Variants in MGAT4C observed in about 807,000 individuals in gnomAD.
MGAT4C encodes the protein MGAT4 family member C.
Under a neutral mutation model 40.1 loss-of-function variants are expected in MGAT4C, and 19 were observed. That is an observed-to-expected ratio of 0.47 (90% CI 0.33 to 0.70). The LOEUF is 0.70. Ranked by LOEUF, MGAT4C falls within the 30% of genes least tolerant of loss-of-function variation. The pLI is 0.02. For missense variants in MGAT4C, 491 were observed against 563.2 expected, an observed-to-expected ratio of 0.87 and a Z score of 1.30; for synonymous variants, 181 against 187.1, an observed-to-expected ratio of 0.97 and a Z score of 0.27.
Position 85,968,535 on chromosome 12 carries a change from T to A in MGAT4C, c.*10754A>T, listed in dbSNP as rs533428513. 1 of 152,030 alleles carries A rather than the reference T, an allele frequency of 6.6e-6. No homozygotes were observed. Among genetic ancestry groups the A allele is most frequent in the African/African-American group, 2.4e-5 (1 of 41,524 alleles). The allele number at this position is 152,030 out of a possible 1,614,324, so 9.4% of individuals were successfully genotyped here. A position where few individuals can be genotyped will look rare whatever the true frequency, so the allele number is the denominator to read the frequency against. The stretch of plus-strand genomic sequence containing the variant: ...ATTTTTCAGTACAACAATAATAGTA[T>A]TGAAATACCTAAAAAGGGCAGGAAA... On this transcript the variant is annotated 3_prime_UTR_variant, in exon 5 of 5. Coordinates refer to ENST00000611864, the MANE Select transcript of MGAT4C (RefSeq NM_001351288.2).
chr12:86,707,454 C>G (rs1034430011), intron 2 of MGAT4C, among the ~76,000 whole-genome samples: 17 of 151,598 alleles, frequency 1.1e-4, no homozygotes, highest in African/African-American at 3.2e-4. Context: ...CATTTTGGCT[C>G]TGTCCTGGAG....
At chr12:86,004,978 T>A (rs1337156413) in intron 2 of MGAT4C, among the ~76,000 whole-genome samples, 2 of 152,146 alleles carry the variant, frequency 1.3e-5, no homozygotes, top group Non-Finnish European at 2.9e-5. Flanking sequence ...TTCAATTAGA[T>A]CAAGTCCTGG....
chr12:86,444,387 T>C (rs1274094947), intron 2 of MGAT4C, among the ~76,000 whole-genome samples: 1 of 152,160 alleles, frequency 6.6e-6, no homozygotes, highest in African/African-American at 2.4e-5. Context: ...AATCTATACT[T>C]TCCCTGCAGA....
intron 2 of MGAT4C, among the ~76,000 whole-genome samples, chr12:85,994,040 C>T (rs1430485493): frequency 6.6e-6 from 1 of 152,180 alleles, no homozygotes. Flanking sequence ...GGGCGAGGCT[C>T]CTGCCTGAGC....
At chr12:86,329,167 T>C (rs185073306) in intron 4 of MGAT4C, among the ~76,000 whole-genome samples, 190 of 151,684 alleles carry the variant, frequency 1.3e-3, no homozygotes, top group Non-Finnish European at 3.4e-4. Flanking sequence ...AGATGTAGAA[T>C]GGTAAAAATA....
At chr12:86,426,901 C>G (rs1592833342) in intron 3 of MGAT4C, among the ~76,000 whole-genome samples, 1 of 152,100 alleles carries the variant, frequency 6.6e-6, no homozygotes, top group South Asian at 2.1e-4. Context: ...GAGCTGAGAT[C>G]ATGCCACTGC....
chr12:86,784,307 C>T (rs1951894781), intron 1 of MGAT4C, among the ~76,000 whole-genome samples: 1 of 152,066 alleles, frequency 6.6e-6, no homozygotes, highest in Non-Finnish European at 1.5e-5. Flanking sequence ...AAAGCCTTCT[C>T]TCATAATCAG....
intron 2 of MGAT4C, among the ~76,000 whole-genome samples, chr12:86,443,670 TGCAA>T (rs1565766931): frequency 1.3e-5 from 2 of 152,176 alleles, no homozygotes; most frequent in African/African-American, 4.8e-5. Context: ...CTCGGCTCAC[TGCAA>T]GCTCTTCCTC....
At chr12:86,151,470 G>A (rs530240694) in intron 1 of MGAT4C, among the ~76,000 whole-genome samples, 1 of 152,088 alleles carries the variant, frequency 6.6e-6, no homozygotes, top group Admixed American at 6.5e-5. Context: ...AAAATTAGCC[G>A]GGCATGTTGG....
intron 4 of MGAT4C, among the ~76,000 whole-genome samples, chr12:86,328,096 GCCA>G (rs1954567543): frequency 6.6e-6 from 1 of 152,050 alleles, no homozygotes; most frequent in Non-Finnish European, 1.5e-5. Context: ...TGTTCAATGT[GCCA>G]CCTTTACATT....
At chr12:86,681,479 A>G (rs1296237343) in intron 2 of MGAT4C, among the ~76,000 whole-genome samples, 1 of 151,946 alleles carries the variant, frequency 6.6e-6, no homozygotes, top group Non-Finnish European at 1.5e-5. Context: ...AATGATGGTT[A>G]AAGATAATGC....
At chr12:86,814,295 CATATACGTATATATATACGTATATAT>C (rs1566008990) in intron 1 of MGAT4C, among the ~76,000 whole-genome samples, 10 of 5,998 alleles carry the variant, frequency 1.7e-3, no homozygotes, top group South Asian at 0.013. Flanking sequence ...CATATATATA[CATATACGTATATATATACGTATATAT>C]ACATATACGT....
chr12:86,554,159 C>T (rs985310674), intron 2 of MGAT4C, among the ~76,000 whole-genome samples: 1 of 144,726 alleles, frequency 6.9e-6, no homozygotes, highest in Non-Finnish European at 1.5e-5. Context: ...CACACACACA[C>T]GTGTTCAGGC....
chr12:86,060,394 T>A (rs1893827135), intron 1 of MGAT4C, among the ~76,000 whole-genome samples: 1 of 152,180 alleles, frequency 6.6e-6, no homozygotes, highest in Non-Finnish European at 1.5e-5. Context: ...TTAAAATATA[T>A]CTAGTTGTTT....
intron 4 of MGAT4C, among the ~76,000 whole-genome samples, chr12:86,296,024 C>T (rs1375787021): frequency 1.1e-5 from 1 of 87,992 alleles, no homozygotes. Flanking sequence ...AGGGTGCTGA[C>T]TGGTTTGTTT....
chr12:86,269,549 A>T (rs1430952000), intron 4 of MGAT4C, among the ~76,000 whole-genome samples: 1 of 151,402 alleles, frequency 6.6e-6, no homozygotes, highest in Non-Finnish European at 1.5e-5. Flanking sequence ...AAACTCTCCA[A>T]TTCAGGTTTT....
At chr12:86,684,983 G>A (rs528676488) in intron 2 of MGAT4C, among the ~76,000 whole-genome samples, 2 of 152,136 alleles carry the variant, frequency 1.3e-5, no homozygotes, top group Admixed American at 6.5e-5. Context: ...TATTCTGTAT[G>A]TTGCCTGTTC....
chr12:86,197,066 C>T (rs1332153123), intron 1 of MGAT4C, among the ~76,000 whole-genome samples: 1 of 152,204 alleles, frequency 6.6e-6, no homozygotes, highest in Admixed American at 6.5e-5. Context: ...TTCTACATCT[C>T]TTCTGCCAAA....
At chr12:85,995,291 T>C (rs1416289799) in intron 2 of MGAT4C, among the ~76,000 whole-genome samples, 1 of 151,908 alleles carries the variant, frequency 6.6e-6, no homozygotes, top group African/African-American at 2.4e-5. Context: ...TTGGGGGAGA[T>C]AAAGGTACCT....
Sources: gnomAD v4.1 joint callset for allele counts (sites outside exome capture counted in the v4.1 genomes callset) on GRCh38, gnomAD v4.1.1 for gene constraint, MANE v1.5 for transcripts, NCBI Gene and HGNC (gene_info 2026-07-23, HGNC 2026-07-21) for gene names.